The following UVSSA variants were observed in gnomAD, a reference collection of about 807,000 sequenced individuals.
UVSSA encodes UV stimulated scaffold protein A.
In UVSSA, 72 loss-of-function variants were observed where a neutral mutation model predicts 73.9. That is an observed-to-expected ratio of 0.97 (90% confidence interval 0.81 to 1.19). The LOEUF is 1.19. UVSSA is among the 50% of genes most tolerant of loss of function. The probability of loss-of-function intolerance (pLI) is 0.00; values close to 1 mark genes in which losing one functional copy is unlikely to be tolerated. For missense variants in UVSSA, 1,150 were observed against 965.0 expected (o/e 1.19, Z -2.54); for synonymous variants, 454 against 391.3 (o/e 1.16, Z -1.89).
chr4:1,385,875 G>A lies in UVSSA; in HGVS notation c.2044G>A (p.Val682Met), dbSNP rs778697313. 6.2e-6 allele frequency: 10 copies of A among 1,614,086 alleles called. No individual in the cohort carries two copies. The East Asian group carries it at 8.9e-5, about 14-fold the overall frequency. Residue 682 changes from valine to methionine, a missense_variant, in exon 14 of 14, where the codon GTG becomes ATG. Val to Met is a conservative substitution (Grantham distance 21, BLOSUM62 1). Transcript: ENST00000389851. ...IGRKVFAKAA[V>M]RRVVAAMNRM... is the part of the protein sequence containing the mutation. ...TGCCTTGTTTCCCCACAGGGCAGCT[G>A]TGCGGAGGGTAGTGGCAGCCATGAA...
Position 1,383,802 on chromosome 4 carries a change from C to G in UVSSA, c.1898C>G (p.Ala633Gly). Residue 633 changes from alanine to glycine, a missense_variant, in exon 13 of 14, where the codon GCA becomes GGA. Transcript: ENST00000389851. ...QDPELMRDVE[A>G]ATGQDLGSSR... ...CCTGAGTTGATGAGAGACGTGGAAG[C>G]AGCCACAGGGCAGGATCTCGGCTCA... 6.2e-7 allele frequency: 1 copy of G among 1,613,646 alleles called. No homozygotes were observed. Among genetic ancestry groups the G allele is most frequent in the Non-Finnish European group, 8.5e-7 (1 of 1,180,012 alleles).
chr4:1,386,632 C>G lies in UVSSA; in HGVS notation c.*671C>G, dbSNP rs1185416300. On this transcript the variant is annotated 3_prime_UTR_variant, in exon 14 of 14. Coordinates refer to ENST00000389851, the MANE Select transcript of UVSSA (RefSeq NM_020894.4). ...AACATCTTCTCGTGGGCTTACTGGC[C>G]ATTTGTGTATCTCCTTTGGAGAGGA... is the stretch of plus-strand genomic sequence containing the variant. 1 of 152,284 alleles carries G rather than the reference C, an allele frequency of 6.6e-6. No homozygotes were observed. The highest frequency in any genetic ancestry group is 1.5e-5 in the Non-Finnish European group (1 of 68,122). 9.4% of individuals were successfully genotyped at this position (152,284 alleles called of 1,614,324 possible). A position where few individuals can be genotyped will look rare whatever the true frequency, so the allele number is the denominator to read the frequency against.
At position 1,386,311 on chromosome 4, in the gene UVSSA, G is replaced by T. The variant is rs904006264; in HGVS notation, c.*350G>T. ...GTGTGTGCAGCTCAGCCTTCAGAGC[G>T]TGCATTCCCCAGCCAGGAGGCGACC... On this transcript the variant is annotated 3_prime_UTR_variant, in exon 14 of 14. Transcript: ENST00000389851. 9.4e-6 allele frequency: 2 copies of T among 211,994 alleles called. No homozygotes were observed. Among genetic ancestry groups the T allele is most frequent in the Non-Finnish European group, 9.6e-6 (1 of 103,970 alleles). The allele number at this position is 211,994 out of a possible 1,614,324, so 13.1% of individuals were successfully genotyped here.
chr4:1,365,160 G>C (rs1357177973), intron 7 of UVSSA, among the ~76,000 whole-genome samples: 2 of 152,254 alleles, frequency 1.3e-5, no homozygotes. Context: ...ACAGAAGCCA[G>C]TACTGCAGCA....
intron 7 of UVSSA, among the ~76,000 whole-genome samples, chr4:1,365,454 G>A (rs1461090206): frequency 6.6e-6 from 1 of 152,208 alleles, no homozygotes; most frequent in Non-Finnish European, 1.5e-5. Flanking sequence ...GGGGCAGGGT[G>A]GGCTCAAGGA....
chr4:1,349,555 C>A lies in UVSSA; in HGVS notation c.130C>A (p.Arg44Ser), dbSNP rs574965437. Residue 44 changes from arginine (R) to serine (S), a missense_variant, in exon 3 of 14, where the codon CGC (arginine) becomes AGC (serine). Physicochemically the swap from Arg to Ser is moderately radical, Grantham distance 110. Coordinates refer to ENST00000389851, the MANE Select transcript of UVSSA (RefSeq NM_020894.4). ...AGAGGAGCAGCTGAGCCGCGCCTAC[C>A]GCCTGCTGATAGCACAGCTGACCCA... is the stretch of plus-strand genomic sequence containing the variant. ...SSEEQLSRAY[R>S]LLIAQLTQEH... 7 of 1,613,792 alleles carry A rather than the reference C, an allele frequency of 4.3e-6. No individual in the cohort carries two copies. The East Asian group carries it at 8.9e-5, about 21-fold the overall frequency.
At chr4:1,361,476 C>T (rs374281031) in intron 7 of UVSSA, among the ~76,000 whole-genome samples, 2 of 152,264 alleles carry the variant, frequency 1.3e-5, no homozygotes, top group African/African-American at 4.8e-5. Context: ...TCCAGGCTCT[C>T]GTTTCAGAGG....
chr4:1,347,940 A>G, intron 1 of UVSSA, 150 bp from the exon 2 acceptor site: 1 of 669,156 alleles, frequency 1.5e-6, no homozygotes, highest in East Asian at 2.5e-5. Context: ...GGACACACAT[A>G]TTTCCCAGAG....
chr4:1,377,422 G>C (rs1718910091), intron 10 of UVSSA, among the ~76,000 whole-genome samples: 1 of 152,194 alleles, frequency 6.6e-6, no homozygotes, highest in South Asian at 2.1e-4. Context: ...CGCCCCTAGT[G>C]GGGGCCAGAT....
chr4:1,394,620 A>G (rs982127983), exon 14 of UVSSA: 4 of 1,421,572 alleles, frequency 2.8e-6, no homozygotes, highest in Non-Finnish European at 3.7e-6. Context: ...GCCTGCTCAC[A>G]CATGTCGATG....
intron 8 of UVSSA, among the ~76,000 whole-genome samples, chr4:1,367,626 T>C (rs1020252435): frequency 2.0e-5 from 3 of 151,772 alleles, no homozygotes; most frequent in African/African-American, 4.8e-5. Context: ...AGCTTGAGGG[T>C]CTGGAAGAAA....
chr4:1,354,723 G>C lies in UVSSA; in HGVS notation c.935-12G>C, dbSNP rs1277275432. 1.3e-5 allele frequency: 21 copies of C among 1,610,572 alleles called. No individual in the cohort carries two copies. The highest frequency in any genetic ancestry group is 1.7e-5 in the Non-Finnish European group (20 of 1,177,878). ...CGGCGCCCTCTTGTGACCTCTGTGT[G>C]CTTCTCCCCAGAGGGCCTGAAGGTG... On this transcript the variant is annotated splice_polypyrimidine_tract_variant and intron_variant, in intron 5 of 13. Coordinates refer to ENST00000389851, the MANE Select transcript of UVSSA (RefSeq NM_020894.4).
chr4:1,389,154 G>A (rs1221868170), downstream of UVSSA: 3 of 151,844 alleles, frequency 2.0e-5, no homozygotes, highest in Non-Finnish European at 2.9e-5. Flanking sequence ...CCCTTTCTAG[G>A]TTCTTTGTTG....
intron 13 of UVSSA, chr4:1,384,305 A>AT (rs1401694877): frequency 3.9e-6 from 1 of 258,422 alleles, no homozygotes; most frequent in Non-Finnish European, 7.4e-6. Flanking sequence ...GTGCCTGCGT[A>AT]TTTCTGCAGC....
At chr4:1,366,082 T>G in intron 7 of UVSSA, 1 of 342,592 alleles carries the variant, frequency 2.9e-6, no homozygotes. Context: ...AGTTCGTGGT[T>G]TTAACATAGA....
chr4:1,355,025 G>T, intron 6 of UVSSA, 92 bp from the exon 7 acceptor site: 4 of 1,561,994 alleles, frequency 2.6e-6, no homozygotes, highest in Non-Finnish European at 2.6e-6. Flanking sequence ...GGGACCCCCC[G>T]GGCCAGTGGA....
chr4:1,344,881 G>A (rs1275898943), upstream of UVSSA, among the ~76,000 whole-genome samples: 1 of 152,176 alleles, frequency 6.6e-6, no homozygotes, highest in Non-Finnish European at 1.5e-5. Flanking sequence ...GCTGGAAGGA[G>A]GCAAGGAACT....
intron 4 of UVSSA, among the ~76,000 whole-genome samples, chr4:1,352,524 AGAG>A (rs1714939877): frequency 1.3e-5 from 2 of 152,236 alleles, no homozygotes; most frequent in African/African-American, 2.4e-5. Flanking sequence ...GCCCTAGGGA[AGAG>A]GTGCAGCCGT....
chr4:1,365,371 C>G (rs948165298), intron 7 of UVSSA, among the ~76,000 whole-genome samples: 1 of 152,214 alleles, frequency 6.6e-6, no homozygotes, highest in Non-Finnish European at 1.5e-5. Context: ...CAGGAGCCAC[C>G]GTCTTTCTCT....
Sources: allele counts gnomAD v4.1 joint callset (sites outside exome capture counted in the v4.1 genomes callset), GRCh38; gene constraint gnomAD v4.1.1; transcripts MANE v1.5; gene names NCBI Gene and HGNC (gene_info 2026-07-23, HGNC 2026-07-21).